Variants in KLK15 observed in about 807,000 individuals in gnomAD.
The protein encoded by KLK15 is kallikrein related peptidase 15.
KLK15 carries 19 observed loss-of-function variants against 21.1 expected under a neutral mutation model. The observed-to-expected ratio is 0.90, with a 90% CI of 0.63 to 1.32. The LOEUF is 1.32. KLK15 is among the 40% of genes most tolerant of loss of function. The pLI is 0.00. For synonymous variants in KLK15, 141 were observed against 141.5 expected (o/e 1.00, Z 0.03); for missense variants, 345 against 348.6 (o/e 0.99, Z 0.08).
chr19:50,831,305 G>C (rs921348823), intron 1 of KLK15, 145 bp downstream of exon 2: 2 of 568,640 alleles, frequency 3.5e-6, no homozygotes, highest in Non-Finnish European at 5.7e-6. Context: ...TAAGGGCTTA[G>C]GGACATTGGC....
chr19:50,826,429 TCAAA>T (rs1217097488), intron 4 of KLK15, 188 bp downstream of exon 5: 3 of 588,612 alleles, frequency 5.1e-6, no homozygotes, highest in Non-Finnish European at 8.5e-6. Flanking sequence ...ATTATCCACC[TCAAA>T]CAACGCAATC....
rs201000403 is a variant in KLK15 at position 50,827,628 on chromosome 19, G to C, written c.197+34C>G. 9 of 1,597,622 alleles carry C rather than the reference G, an allele frequency of 5.6e-6. No homozygotes were observed. In the East Asian group the frequency reaches 1.1e-4, roughly 20 times the overall value. ...CTAGGAGCTCTTCCCCCCGAACCAG[G>C]CTCCCTCAGGACCCTGAGCCCCTGC... On this transcript the variant is annotated intron_variant, in intron 2 of 4. Transcript: ENST00000598239.
Position 50,827,165 on chromosome 19 carries a change from T to TG in KLK15, c.198-5dup, listed in dbSNP as rs762940574. 17 of 1,566,556 alleles carry TG rather than the reference T, an allele frequency of 1.1e-5. 1 individual carries two copies. Among genetic ancestry groups the TG allele is most frequent in the Middle Eastern group, 3.6e-4 (2 of 5,602 alleles). Reference sequence around the variant, plus strand: ...TCCCAGGCGCACTCTCATGAAGCTGTGCGGGCGAGTGGTTTTCCCGCCAGT... The same window carrying TG: ...TCCCAGGCGCACTCTCATGAAGCTGTGGCGGGCGAGTGGTTTTCCCGCCAGT... On this transcript the variant is annotated splice_polypyrimidine_tract_variant and splice_region_variant and intron_variant, in intron 2 of 4. Transcript: ENST00000598239.
intron 1 of KLK15, chr19:50,831,112 A>C: frequency 4.4e-6 from 1 of 227,274 alleles, no homozygotes; most frequent in Non-Finnish European, 8.6e-6. Flanking sequence ...GTGCTGTCTT[A>C]TAGAGAAGGC....
chr19:50,825,943 G>A lies in KLK15; in HGVS notation c.624C>T (p.Asp208=), dbSNP rs199543052. ...CCCCACAGACCAGGGGTCCCCCAGA[G>A]TCACCCTGTGGGGAAAAGAGGGGGT... The change falls in exon 5 of 5, where the codon GAC becomes GAT. Residue 208 remains aspartate, a synonymous_variant. Transcript: ENST00000598239. 6 of 1,612,254 alleles carry A rather than the reference G, an allele frequency of 3.7e-6. No individual in the cohort carries two copies. The African/African-American group carries it at 6.7e-5, about 18-fold the overall frequency.
At chr19:50,830,313 G>A (rs2089960798) in intron 1 of KLK15, among the ~76,000 whole-genome samples, 2 of 151,788 alleles carry the variant, frequency 1.3e-5, no homozygotes, top group South Asian at 4.1e-4. Flanking sequence ...ACCCACACAG[G>A]GGCAGGATTT....
exon 1 of KLK15, chr19:50,831,471 A>T: frequency 6.9e-7 from 1 of 1,448,700 alleles, no homozygotes; most frequent in Non-Finnish European, 9.0e-7. Flanking sequence ...AGCAGGAAGG[A>T]GAGAGTGAGG....
intron 4 of KLK15, chr19:50,826,246 A>C (rs1201250965): frequency 2.2e-6 from 1 of 459,370 alleles, no homozygotes; most frequent in East Asian, 3.5e-5. Context: ...CACCATTCAA[A>C]ATCAAATCAA....
rs749827604 is a variant in KLK15, at chr19:50,827,824, A to AG, written c.44-10dup. 1 of 1,610,698 alleles carries AG rather than the reference A, an allele frequency of 6.2e-7. No homozygotes were observed. The highest frequency in any genetic ancestry group is 1.7e-5 in the Admixed American group (1 of 59,838). ...GTCACCATCCTGGGCTGCTAAGAGA[A>AG]GGGGTAGAGGATGCCTGAGGACAGG... On this transcript the variant is annotated splice_polypyrimidine_tract_variant and intron_variant, in intron 1 of 4. Transcript: ENST00000598239.
upstream of KLK15, chr19:50,833,064 C>T (rs901990436): frequency 2.6e-5 from 4 of 152,448 alleles, 1 homozygote; most frequent in East Asian, 1.9e-4. Context: ...CCACAGCACC[C>T]ATTCTGTCTC....
exon 1 of KLK15, chr19:50,831,483 G>C (rs1037621584): frequency 1.4e-6 from 2 of 1,453,170 alleles, no homozygotes; most frequent in Non-Finnish European, 1.8e-6. Flanking sequence ...AGAGTGAGGA[G>C]AAGCCACATT....
Position 50,830,424 on chromosome 19 carries a change from C to T in KLK15, c.43+1026G>A, listed in dbSNP as rs111573082. ...GAATGCGGATGTGGTGGACAAGGGGCTTAACAAAGGAAGGGTGAGGTCGTC... is the reference window on the plus strand; with the variant it reads ...GAATGCGGATGTGGTGGACAAGGGGTTTAACAAAGGAAGGGTGAGGTCGTC... On this transcript the variant is annotated intron_variant, in intron 1 of 4. Coordinates refer to ENST00000598239, the Ensembl canonical transcript of KLK15. 7.0e-3 allele frequency: 1,068 copies of T among 152,182 alleles called. 24 individuals carry two copies. The highest frequency in any genetic ancestry group is 0.024 in the African/African-American group (1,011 of 41,520). 9.4% of individuals were successfully genotyped at this position (152,182 alleles called of 1,614,324 possible). A position where few individuals can be genotyped will look rare whatever the true frequency, so the allele number is the denominator to read the frequency against.
downstream of KLK15, chr19:50,825,539 G>A (rs1221373357): frequency 2.0e-5 from 7 of 349,598 alleles, no homozygotes; most frequent in Admixed American, 8.8e-5. Flanking sequence ...ACAGTGTCTC[G>A]GGGTTTCTCT....
intron 3 of KLK15, 23 bp from the exon 5 acceptor site, chr19:50,826,780 A>G (rs925878448): frequency 8.1e-6 from 13 of 1,600,758 alleles, no homozygotes; most frequent in Admixed American, 5.2e-5. Context: ...GTGGACTTGG[A>G]GCAGATCCAT....
chr19:50,826,400 AT>A, intron 4 of KLK15: 1 of 511,632 alleles, frequency 2.0e-6, no homozygotes, highest in Non-Finnish European at 3.4e-6. Flanking sequence ...AACCCATGCC[AT>A]CTCAAACTAA....
upstream of KLK15, among the ~76,000 whole-genome samples, chr19:50,832,568 C>T (rs183517771): frequency 1.3e-3 from 204 of 152,198 alleles, no homozygotes; most frequent in African/African-American, 4.6e-3. Flanking sequence ...AGTGATCCAC[C>T]CGCCTCAGCC....
At chr19:50,826,849 C>T (rs1331359317) in intron 3 of KLK15, 29 bp downstream of exon 4, 1 of 1,555,246 alleles carries the variant, frequency 6.4e-7, no homozygotes, top group East Asian at 2.3e-5. Context: ...TCCTTGAGGC[C>T]TCGCATCCAG....
intron 1 of KLK15, among the ~76,000 whole-genome samples, chr19:50,828,062 C>T (rs1475683552): frequency 6.6e-6 from 1 of 151,566 alleles, no homozygotes; most frequent in Non-Finnish European, 1.5e-5. Context: ...AAGTGATCCT[C>T]CTGCCTCAGC....
chr19:50,827,861 T>C, intron 1 of KLK15, 46 bp from the exon 3 acceptor site: 1 of 1,580,210 alleles, frequency 6.3e-7, no homozygotes, highest in Non-Finnish European at 8.7e-7. Context: ...ACGTTTACAT[T>C]GCCTCCTACA....
Sources: allele counts gnomAD v4.1 joint callset (sites outside exome capture counted in the v4.1 genomes callset), GRCh38; gene constraint gnomAD v4.1.1; transcripts MANE v1.5; gene names NCBI Gene and HGNC (gene_info 2026-07-23, HGNC 2026-07-21).